The following CAP2 variants were observed in gnomAD, a reference collection of about 807,000 sequenced individuals.
CAP2 encodes cyclase associated actin cytoskeleton regulatory protein 2.
Under a neutral mutation model 57.7 loss-of-function variants are expected in CAP2, and 24 were observed. That is an observed-to-expected ratio of 0.42 (90% CI 0.30 to 0.58). CAP2 has a LOEUF of 0.58. Among genes scored for constraint, CAP2 ranks in the 20% least tolerant of loss-of-function variants. The pLI, the probability that CAP2 is intolerant of heterozygous loss-of-function variation, is 0.22. For synonymous variants in CAP2, 194 were observed against 207.2 expected (o/e 0.94, Z 0.55); for missense variants, 501 against 590.3 (o/e 0.85, Z 1.57).
intron 9 of CAP2, among the ~76,000 whole-genome samples, chr6:17,542,117 C>T (rs1762918035): frequency 6.6e-6 from 1 of 152,206 alleles, no homozygotes; most frequent in African/African-American, 2.4e-5. Context: ...CTCCCAGCCC[C>T]TGGCAATTAC....
In CAP2 at chr6:17,518,923, C is replaced by T. The variant is rs573895660; in HGVS notation, c.636+4969C>T. On this transcript the variant is annotated intron_variant, in intron 7 of 12. Transcript: ENST00000229922. ...AAAGTGCTGGGATTACAGGCGTGAGCCACCACATCCAGCCCAGAGGTTTTT... is the reference window on the plus strand; with the variant it reads ...AAAGTGCTGGGATTACAGGCGTGAGTCACCACATCCAGCCCAGAGGTTTTT... 8.1e-4 allele frequency among the ~76,000 whole-genome samples: 124 copies of T among 152,264 alleles called. 1 individual carries two copies. The highest frequency in any genetic ancestry group is 2.9e-3 in the African/African-American group (122 of 41,548).
chr6:17,484,898 T>C (rs1428614521), intron 4 of CAP2, among the ~76,000 whole-genome samples: 1 of 152,186 alleles, frequency 6.6e-6, no homozygotes, highest in Non-Finnish European at 1.5e-5. Context: ...TGGCCACAAA[T>C]TGTTCTTTAC....
At chr6:17,474,751 TCAA>T in intron 4 of CAP2, among the ~76,000 whole-genome samples, 1 of 152,328 alleles carries the variant, frequency 6.6e-6, no homozygotes, top group South Asian at 2.1e-4. Context: ...TTCCATCCCC[TCAA>T]CAAGATTTGC....
chr6:17,434,401 G>T (rs1759820416), intron 3 of CAP2, among the ~76,000 whole-genome samples: 1 of 151,860 alleles, frequency 6.6e-6, no homozygotes, highest in Non-Finnish European at 1.5e-5. Flanking sequence ...GCTAATTTTT[G>T]TGTTTTTAGT....
intron 3 of CAP2, among the ~76,000 whole-genome samples, chr6:17,443,660 G>C (rs1004421627): frequency 6.6e-6 from 1 of 151,790 alleles, no homozygotes; most frequent in African/African-American, 2.4e-5. Flanking sequence ...CTACATGTAA[G>C]AAAAAACAGT....
chr6:17,547,070 T>A (rs1304215254), intron 11 of CAP2, among the ~76,000 whole-genome samples: 3 of 152,132 alleles, frequency 2.0e-5, no homozygotes, highest in Non-Finnish European at 4.4e-5. Context: ...ATGAGTGAAC[T>A]CCCATTCACA....
intron 3 of CAP2, among the ~76,000 whole-genome samples, chr6:17,453,990 CCCTCCCACCTCAGCCTCCCACCTCAG>C (rs60848663): frequency 1.3e-5 from 2 of 149,364 alleles, no homozygotes; most frequent in Admixed American, 6.7e-5. Flanking sequence ...GCTCAAGCAA[CCCTCCCACCTCAGCCTCCCACCTCAG>C]CCTCCCACCT....
chr6:17,486,088 T>C (rs1407969149), intron 4 of CAP2, among the ~76,000 whole-genome samples: 1 of 152,196 alleles, frequency 6.6e-6, no homozygotes, highest in Non-Finnish European at 1.5e-5. Context: ...CATGCACCTG[T>C]AGTCCCAGCT....
intron 4 of CAP2, among the ~76,000 whole-genome samples, chr6:17,480,998 C>T (rs1472350712): frequency 2.2e-5 from 3 of 138,952 alleles, no homozygotes; most frequent in African/African-American, 5.4e-5. Flanking sequence ...AGGGTTTCAC[C>T]GTGTTGGCCA....
intron 3 of CAP2, among the ~76,000 whole-genome samples, chr6:17,436,114 C>CTTCA (rs1759881365): frequency 6.7e-6 from 1 of 149,690 alleles, no homozygotes; most frequent in Non-Finnish European, 1.5e-5. Flanking sequence ...TCCTTCCTTC[C>CTTCA]TTCCTTCCCT....
chr6:17,543,266 C>G (rs892619869), intron 11 of CAP2, 123 bp downstream of exon 11: 29 of 765,266 alleles, frequency 3.8e-5, no homozygotes, highest in Non-Finnish European at 5.6e-5. Flanking sequence ...TAATAAGCAG[C>G]CTTTCCAACC....
intron 6 of CAP2, among the ~76,000 whole-genome samples, chr6:17,509,246 A>AT (rs1489943824): frequency 6.6e-6 from 1 of 152,106 alleles, no homozygotes; most frequent in African/African-American, 2.4e-5. Flanking sequence ...TTTTTTGTAG[A>AT]TTTTTTTATT....
chr6:17,430,720 G>A (rs577728273), intron 3 of CAP2, among the ~76,000 whole-genome samples: 6 of 152,164 alleles, frequency 3.9e-5, no homozygotes, highest in South Asian at 2.1e-4. Context: ...TGTATTTTTC[G>A]TAGAGACGGG....
intron 3 of CAP2, among the ~76,000 whole-genome samples, chr6:17,442,278 A>G (rs1212896464): frequency 6.6e-6 from 1 of 152,190 alleles, no homozygotes; most frequent in Non-Finnish European, 1.5e-5. Flanking sequence ...CTTAGTGTGC[A>G]GCTGTGGATG....
At position 17,507,426 on chromosome 6, in the gene CAP2, G is replaced by A. The variant is rs966922004; in HGVS notation, c.444+114G>A. The A allele has an allele frequency of 2.7e-6, 3 of 1,120,530 alleles. No individual in the cohort carries two copies. In the African/African-American group the frequency reaches 4.7e-5, roughly 18 times the overall value. 69.4% of individuals were successfully genotyped at this position (1,120,530 alleles called of 1,614,324 possible). ...TGCACTGAAGGAAGCTTCTTCCTGG[G>A]CTGAATGCATCCACTTTCTCCTACC... On this transcript the variant is annotated intron_variant, in intron 5 of 12. Transcript: ENST00000229922.
intron 4 of CAP2, among the ~76,000 whole-genome samples, chr6:17,484,438 C>T (rs11963321): frequency 0.019 from 2,920 of 152,222 alleles, 99 homozygotes; most frequent in African/African-American, 0.067. Context: ...CTGGCGGCAT[C>T]ATGAGGGTAA....
chr6:17,544,306 C>G (rs182045373), intron 11 of CAP2, among the ~76,000 whole-genome samples: 70 of 152,002 alleles, frequency 4.6e-4, no homozygotes, highest in African/African-American at 1.6e-3. Context: ...AGCCCCATTC[C>G]AAAGAGAACT....
At chr6:17,551,661 T>C (rs1265226822) in intron 12 of CAP2, 57 bp downstream of exon 12, 2 of 1,325,286 alleles carry the variant, frequency 1.5e-6, no homozygotes, top group East Asian at 4.8e-5. Flanking sequence ...TTATTAACAT[T>C]CTTAGAGATT....
intron 3 of CAP2, among the ~76,000 whole-genome samples, chr6:17,452,165 A>T (rs1760422047): frequency 6.6e-6 from 1 of 152,218 alleles, no homozygotes; most frequent in Admixed American, 6.5e-5. Flanking sequence ...TTCAGATGAG[A>T]TATTAAAATG....
Sources: gnomAD v4.1 joint callset for allele counts (sites outside exome capture counted in the v4.1 genomes callset) on GRCh38, gnomAD v4.1.1 for gene constraint, MANE v1.5 for transcripts, NCBI Gene and HGNC (gene_info 2026-07-23, HGNC 2026-07-21) for gene names.